KGD4: variants seen among roughly 807,000 people sequenced by gnomAD.
KGD4 encodes alpha-ketoglutarate dehydrogenase subunit 4.
At chr5:69,219,082 TA>T in the KGD4 span, among the ~76,000 whole-genome samples, 4 of 151,968 alleles carry the variant, frequency 2.6e-5, no homozygotes, top group East Asian at 7.7e-4. Flanking sequence ...GCCAGGAAAA[TA>T]AAAATTAAAA....
At chr5:69,225,325 A>G in the KGD4 span, among the ~76,000 whole-genome samples, 956 of 143,062 alleles carry the variant, frequency 6.7e-3, 5 homozygotes, top group Non-Finnish European at 9.9e-3. Context: ...GTATGGTGGC[A>G]CTATCTCTGC....
At chr5:69,217,784 C>T in the KGD4 span, 12 of 1,612,244 alleles carry the variant, frequency 7.4e-6, no homozygotes, top group Non-Finnish European at 9.3e-6. Context: ...CTCCAGTGAT[C>T]GCCGCGGCTC....
the KGD4 span, among the ~76,000 whole-genome samples, chr5:69,218,380 C>A: frequency 7.9e-5 from 12 of 152,226 alleles, no homozygotes; most frequent in Non-Finnish European, 1.2e-4. Flanking sequence ...AGCGGGTTCT[C>A]CCCAACCTCT....
At chr5:69,225,627 G>A in the KGD4 span, among the ~76,000 whole-genome samples, 1 of 145,290 alleles carries the variant, frequency 6.9e-6, no homozygotes, top group Non-Finnish European at 1.5e-5. Context: ...CTAGAGTGCA[G>A]TGGCACGATC....
chr5:69,225,921 G>C, the KGD4 span, among the ~76,000 whole-genome samples: 2 of 152,072 alleles, frequency 1.3e-5, no homozygotes, highest in Non-Finnish European at 2.9e-5. Flanking sequence ...GGTAGAGACG[G>C]GGTTTCACCA....
At chr5:69,226,552 GA>G in the KGD4 span, 1 of 596,744 alleles carries the variant, frequency 1.7e-6, no homozygotes, top group East Asian at 3.1e-5. Context: ...CATGCAAGTA[GA>G]AATTAACTTA....
chr5:69,222,403 T>C, the KGD4 span, among the ~76,000 whole-genome samples: 20 of 151,852 alleles, frequency 1.3e-4, no homozygotes, highest in African/African-American at 2.4e-5. Flanking sequence ...ATAGGATGAA[T>C]TGGGGAAAGG....
chr5:69,228,189 T>TC, the KGD4 span: 1 of 1,539,152 alleles, frequency 6.5e-7, no homozygotes, highest in Non-Finnish European at 8.7e-7. Context: ...CTTTTTTTTT[T>TC]TTAATTTCAG....
At chr5:69,229,197 T>C in the KGD4 span, 5 of 1,610,220 alleles carry the variant, frequency 3.1e-6, no homozygotes, top group East Asian at 1.1e-4. Context: ...GCTTTATTTT[T>C]TCCTTTTCAG....
At chr5:69,227,502 C>T in the KGD4 span, among the ~76,000 whole-genome samples, 1 of 152,062 alleles carries the variant, frequency 6.6e-6, no homozygotes, top group Non-Finnish European at 1.5e-5. Flanking sequence ...TTTAAAAAAA[C>T]CAGATCCTCT....
chr5:69,228,233 C>T, the KGD4 span: 4 of 1,597,178 alleles, frequency 2.5e-6, no homozygotes, highest in Non-Finnish European at 3.4e-6. Context: ...GGGCTACCAT[C>T]TCACTCTTCT....
chr5:69,220,633 A>G, the KGD4 span, among the ~76,000 whole-genome samples: 70 of 152,118 alleles, frequency 4.6e-4, no homozygotes, highest in African/African-American at 1.6e-3. Context: ...CCGCAGTGCA[A>G]TCTTCCAAGT....
At chr5:69,229,125 G>T in the KGD4 span, 3 of 1,126,822 alleles carry the variant, frequency 2.7e-6, no homozygotes, top group Non-Finnish European at 3.9e-6. Context: ...ACTGAAGATT[G>T]TATAAATTTG....
the KGD4 span, among the ~76,000 whole-genome samples, chr5:69,220,924 A>G: frequency 6.6e-6 from 1 of 152,186 alleles, no homozygotes; most frequent in African/African-American, 2.4e-5. Flanking sequence ...GTGTCCACTC[A>G]GGGTTAAATG....
the KGD4 span, chr5:69,217,790 G>C: frequency 1.9e-6 from 3 of 1,613,138 alleles, no homozygotes; most frequent in Non-Finnish European, 2.5e-6. Context: ...TGATCGCCGC[G>C]GCTCGCTCGC....
the KGD4 span, among the ~76,000 whole-genome samples, chr5:69,220,425 G>A: frequency 2.4e-3 from 362 of 152,128 alleles, no homozygotes; most frequent in Admixed American, 3.9e-3. Context: ...GAAAGCCAAG[G>A]TGGGAAGATT....
the KGD4 span, among the ~76,000 whole-genome samples, chr5:69,227,731 T>G: frequency 6.6e-6 from 1 of 152,242 alleles, no homozygotes; most frequent in Non-Finnish European, 1.5e-5. Context: ...TGACATAAGC[T>G]TAAGTAGTGT....
the KGD4 span, chr5:69,229,059 A>C: frequency 2.4e-6 from 1 of 417,366 alleles, no homozygotes. Context: ...AATTGATATG[A>C]GTACCCAAAA....
At chr5:69,222,932 C>G in the KGD4 span, among the ~76,000 whole-genome samples, 7 of 151,510 alleles carry the variant, frequency 4.6e-5, no homozygotes, top group Non-Finnish European at 8.8e-5. Context: ...CCCACCACCA[C>G]GCCCGGCTAA....
Sources: gnomAD v4.1 joint callset for allele counts (sites outside exome capture counted in the v4.1 genomes callset) on GRCh38, gnomAD v4.1.1 for gene constraint, MANE v1.5 for transcripts, NCBI Gene and HGNC (gene_info 2026-07-23, HGNC 2026-07-21) for gene names.